LRRC4C: variants seen among roughly 807,000 people sequenced by gnomAD.
LRRC4C encodes the protein leucine-rich repeat-containing protein 4C.
Under a neutral mutation model 33.6 loss-of-function variants are expected in LRRC4C, and 5 were observed. The ratio of observed to expected loss-of-function variants is 0.15; its 90% CI spans 0.08 to 0.31. The LOEUF (loss-of-function observed/expected upper bound fraction) is 0.31, where lower values mean the gene tolerates loss of function less well. LRRC4C is among the 10% of genes least tolerant of loss of function. The pLI is 1.00. For synonymous variants in LRRC4C, 329 were observed against 302.0 expected (o/e 1.09, Z -0.93); for missense variants, 560 against 796.7 (o/e 0.70, Z 3.58).
At chr11:40,940,775 T>C (rs1958105000) in intron 1 of LRRC4C, among the ~76,000 whole-genome samples, 2 of 152,044 alleles carry the variant, frequency 1.3e-5, no homozygotes, top group South Asian at 2.1e-4. Context: ...TGAATTAAGA[T>C]TAGGTAGTCA....
At chr11:40,919,675 A>G (rs1843891906) in intron 2 of LRRC4C, among the ~76,000 whole-genome samples, 1 of 152,176 alleles carries the variant, frequency 6.6e-6, no homozygotes, top group Non-Finnish European at 1.5e-5. Flanking sequence ...AAAATCAAGA[A>G]TGATGTTTGG....
chr11:40,914,171 G>A (rs900761915), intron 2 of LRRC4C, among the ~76,000 whole-genome samples: 3 of 152,168 alleles, frequency 2.0e-5, no homozygotes, highest in African/African-American at 4.8e-5. Context: ...AATAGAAAAA[G>A]AGGGAATCCT....
intron 1 of LRRC4C, among the ~76,000 whole-genome samples, chr11:41,014,312 G>A (rs968834090): frequency 6.6e-6 from 1 of 151,978 alleles, no homozygotes; most frequent in East Asian, 1.9e-4. Flanking sequence ...AATTTCTCAA[G>A]GTTATTGACC....
intron 1 of LRRC4C, among the ~76,000 whole-genome samples, chr11:41,091,786 T>C (rs909936498): frequency 1.3e-5 from 2 of 152,158 alleles, no homozygotes; most frequent in African/African-American, 4.8e-5. Flanking sequence ...TTTTGAACAC[T>C]AACCAGGTGG....
intron 3 of LRRC4C, among the ~76,000 whole-genome samples, chr11:40,344,980 AAC>A (rs1369374132): frequency 6.6e-6 from 1 of 152,174 alleles, no homozygotes; most frequent in Non-Finnish European, 1.5e-5. Context: ...AGAATTACAA[AAC>A]ACTGCTCAAA....
chr11:41,067,551 G>A (rs559601658), intron 1 of LRRC4C, among the ~76,000 whole-genome samples: 2 of 152,146 alleles, frequency 1.3e-5, no homozygotes. Flanking sequence ...ACTCAGCCCT[G>A]GATCAAGTGG....
intron 1 of LRRC4C, among the ~76,000 whole-genome samples, chr11:41,061,213 G>A (rs571816326): frequency 6.6e-6 from 1 of 152,118 alleles, no homozygotes; most frequent in Non-Finnish European, 1.5e-5. Flanking sequence ...GGAAGGAGTG[G>A]AGATGCAAGG....
At chr11:40,560,010 A>T (rs1005308143) in intron 3 of LRRC4C, among the ~76,000 whole-genome samples, 4 of 152,132 alleles carry the variant, frequency 2.6e-5, no homozygotes, top group African/African-American at 7.2e-5. Context: ...ATCTTCTTAG[A>T]GTAACAGCAA....
At chr11:40,552,228 G>A (rs1366648158) in intron 3 of LRRC4C, among the ~76,000 whole-genome samples, 2 of 152,136 alleles carry the variant, frequency 1.3e-5, no homozygotes, top group Non-Finnish European at 2.9e-5. Context: ...CTACTACAGG[G>A]CTCAAACATA....
chr11:41,411,439 C>T lies in LRRC4C; in HGVS notation c.-496+47992G>A, dbSNP rs183132143. 1.1e-4 allele frequency among the ~76,000 whole-genome samples: 17 copies of T among 151,716 alleles called. No homozygotes were observed. The East Asian group carries it at 1.2e-3, about 11-fold the overall frequency. Reference sequence around the variant, plus strand: ...CTGGGATTACAGGCTTGAGCCACCGCGCCCAGCCTTGGTTGGTACCCTATT... The same window carrying T: ...CTGGGATTACAGGCTTGAGCCACCGTGCCCAGCCTTGGTTGGTACCCTATT... On this transcript the variant is annotated intron_variant, in intron 1 of 6. Transcript: ENST00000528697.
intron 3 of LRRC4C, among the ~76,000 whole-genome samples, chr11:40,640,443 T>A (rs1200077881): frequency 6.6e-6 from 1 of 152,002 alleles, no homozygotes; most frequent in African/African-American, 2.4e-5. Context: ...AGGTGCAATA[T>A]TTTTTTCTTC....
In LRRC4C at chr11:40,589,804, C is replaced by T. The variant is rs1446332613; in HGVS notation, c.-270+58338G>A. Among the ~76,000 whole-genome samples the T allele has an allele frequency of 2.0e-5, 3 of 149,386 alleles. No homozygotes were observed. In the East Asian group the frequency reaches 5.9e-4, roughly 29 times the overall value. ...TTTCTTTAAGAATGTTGAATATTGG[C>T]CCCCACTCTCTTCTGGCTTGTAGGG... On this transcript the variant is annotated intron_variant, in intron 3 of 6. Transcript: ENST00000528697.
At chr11:40,337,641 C>G (rs995789805) in intron 3 of LRRC4C, among the ~76,000 whole-genome samples, 2 of 152,170 alleles carry the variant, frequency 1.3e-5, no homozygotes, top group Non-Finnish European at 2.9e-5. Flanking sequence ...TCTGTTTACT[C>G]TTCTCCCAGA....
At chr11:40,417,215 C>CGTA (rs1413448189) in intron 3 of LRRC4C, among the ~76,000 whole-genome samples, 2 of 152,050 alleles carry the variant, frequency 1.3e-5, no homozygotes, top group African/African-American at 4.8e-5. Context: ...CCAGTTTTCC[C>CGTA]GTAGTATGGT....
chr11:40,926,036 T>A (rs539278918), intron 2 of LRRC4C, among the ~76,000 whole-genome samples: 1 of 151,392 alleles, frequency 6.6e-6, no homozygotes, highest in African/African-American at 2.4e-5. Context: ...TGCTAAAAGG[T>A]GTTTTTTTTT....
intron 1 of LRRC4C, among the ~76,000 whole-genome samples, chr11:41,164,496 A>T (rs1472270684): frequency 2.0e-5 from 3 of 152,266 alleles, no homozygotes; most frequent in African/African-American, 7.2e-5. Flanking sequence ...AAACATATAA[A>T]CCAATAACAT....
At chr11:41,115,223 C>T (rs1241643599) in intron 1 of LRRC4C, among the ~76,000 whole-genome samples, 2 of 151,902 alleles carry the variant, frequency 1.3e-5, no homozygotes, top group Non-Finnish European at 2.9e-5. Context: ...AAAGCAGGAC[C>T]TTCTTTTGAT....
chr11:41,065,114 G>T (rs1938124470), intron 1 of LRRC4C, among the ~76,000 whole-genome samples: 1 of 152,168 alleles, frequency 6.6e-6, no homozygotes, highest in East Asian at 1.9e-4. Flanking sequence ...CTTGTTCAGT[G>T]GATCCCACTC....
chr11:40,500,293 TACAC>T (rs375005241), intron 3 of LRRC4C, among the ~76,000 whole-genome samples: 13,695 of 96,052 alleles, frequency 0.14, 883 homozygotes, highest in Middle Eastern at 0.19. Context: ...TATATATATA[TACAC>T]ACACACACAC....
Sources: gnomAD v4.1 joint callset for allele counts (sites outside exome capture counted in the v4.1 genomes callset) on GRCh38, gnomAD v4.1.1 for gene constraint, MANE v1.5 for transcripts, NCBI Gene and HGNC (gene_info 2026-07-23, HGNC 2026-07-21) for gene names.